MYO1H: variants seen among roughly 807,000 people sequenced by gnomAD.
The protein encoded by MYO1H is myosin IH, also known as unconventional myosin-Ih.
MYO1H carries 118 observed loss-of-function variants against 149.3 expected under a neutral mutation model. The observed-to-expected ratio is 0.79, with a 90% CI of 0.68 to 0.92. MYO1H has a LOEUF of 0.92. MYO1H is among the 40% of genes least tolerant of loss of function. The pLI, the probability that MYO1H is intolerant of heterozygous loss-of-function variation, is 0.00. For missense variants in MYO1H, 1,212 were observed against 1,280.7 expected (o/e 0.95, Z 0.82); for synonymous variants, 447 against 465.2 (o/e 0.96, Z 0.50).
At chr12:109,324,377 G>A in the MYO1H span, among the ~76,000 whole-genome samples, 2 of 152,202 alleles carry the variant, frequency 1.3e-5, no homozygotes, top group East Asian at 3.9e-4. Flanking sequence ...TCAAGGGAGA[G>A]AGTTACACTC....
At chr12:109,311,926 C>G in the MYO1H span, among the ~76,000 whole-genome samples, 1 of 152,202 alleles carries the variant, frequency 6.6e-6, no homozygotes, top group Non-Finnish European at 1.5e-5. Flanking sequence ...GTGGAAAATG[C>G]TCTAATCTGC....
chr12:109,351,564 C>T (rs1025339171), intron 1 of MYO1H, among the ~76,000 whole-genome samples: 1 of 152,182 alleles, frequency 6.6e-6, no homozygotes. Flanking sequence ...CGTTATATTT[C>T]TAAAGAGATT....
At chr12:109,318,983 T>TTTTTTTG in the MYO1H span, among the ~76,000 whole-genome samples, 2 of 144,820 alleles carry the variant, frequency 1.4e-5, no homozygotes, top group African/African-American at 2.6e-5. Flanking sequence ...TTTTTTTTTT[T>TTTTTTTG]TTTTTTTTTT....
the MYO1H span, among the ~76,000 whole-genome samples, chr12:109,326,803 G>A: frequency 6.6e-6 from 1 of 152,028 alleles, no homozygotes; most frequent in Non-Finnish European, 1.5e-5. Flanking sequence ...ACAGGCATGT[G>A]CCACCATACC....
intron 22 of MYO1H, among the ~76,000 whole-genome samples, chr12:109,437,490 A>G (rs777434173): frequency 3.9e-5 from 6 of 152,170 alleles, no homozygotes; most frequent in Non-Finnish European, 8.8e-5. Flanking sequence ...GGTCAGCATT[A>G]TAGGAAGTAT....
chr12:109,415,906 CATTTT>C (rs78343064), intron 15 of MYO1H, among the ~76,000 whole-genome samples: 11,200 of 144,476 alleles, frequency 0.078, 486 homozygotes, highest in Middle Eastern at 0.1. Context: ...TACCACCATT[CATTTT>C]ATTTTATTTT....
the MYO1H span, among the ~76,000 whole-genome samples, chr12:109,331,702 T>C: frequency 1.3e-5 from 2 of 152,272 alleles, no homozygotes; most frequent in East Asian, 1.9e-4. Context: ...TGTGAGAAGA[T>C]GGATGGGGCA....
intron 1 of MYO1H, among the ~76,000 whole-genome samples, chr12:109,368,640 TA>T (rs56146617): frequency 0.14 from 15,735 of 113,096 alleles, 1,054 homozygotes; most frequent in South Asian, 0.22. Flanking sequence ...GACTCCATCT[TA>T]AAAAAAAAAA....
intron 1 of MYO1H, among the ~76,000 whole-genome samples, chr12:109,367,697 G>A (rs911688714): frequency 2.0e-4 from 31 of 151,882 alleles, no homozygotes; most frequent in African/African-American, 7.3e-4. Flanking sequence ...GACTACAGGC[G>A]CCCGCCACCA....
chr12:109,396,853 GTC>G lies in MYO1H; in HGVS notation c.489+278_489+279del, dbSNP rs1480939916. ...TTTTTTTTTTTTTTTTTGAGACGGA[GTC>G]TCTCTCCGTCACCCAGGCCTGGAGT... On this transcript the variant is annotated intron_variant, in intron 4 of 31. Transcript: ENST00000310903. Among the ~76,000 whole-genome samples the G allele has an allele frequency of 2.8e-5, 3 of 108,334 alleles. No individual in the cohort carries two copies. In the South Asian group the frequency reaches 9.5e-4, roughly 34 times the overall value. The allele number at this position is 108,334 out of a possible 152,430, so 71.1% of individuals were successfully genotyped here.
the MYO1H span, among the ~76,000 whole-genome samples, chr12:109,328,113 T>C: frequency 6.3e-4 from 94 of 149,938 alleles, 1 homozygote; most frequent in South Asian, 0.02. Context: ...GAATAATCAT[T>C]GGGGATCATA....
intron 1 of MYO1H, among the ~76,000 whole-genome samples, chr12:109,371,213 C>CT (rs34350111): frequency 0.047 from 5,596 of 118,308 alleles, 181 homozygotes; most frequent in Middle Eastern, 0.069. Context: ...TTTTTTCTTT[C>CT]TTTTTTTTTT....
At chr12:109,325,167 G>T in the MYO1H span, among the ~76,000 whole-genome samples, 2 of 152,196 alleles carry the variant, frequency 1.3e-5, no homozygotes, top group African/African-American at 4.8e-5. Flanking sequence ...TGTAAACAGT[G>T]CTGCAATAAA....
At chr12:109,359,797 G>C (rs1051312123) in intron 1 of MYO1H, among the ~76,000 whole-genome samples, 1 of 152,186 alleles carries the variant, frequency 6.6e-6, no homozygotes, top group Non-Finnish European at 1.5e-5. Context: ...ATCTGCAAGC[G>C]TTTCCATCCC....
intron 5 of MYO1H, among the ~76,000 whole-genome samples, chr12:109,398,787 G>A (rs1264048372): frequency 7.1e-6 from 1 of 140,962 alleles, no homozygotes; most frequent in East Asian, 2.3e-4. Flanking sequence ...ACAATATATT[G>A]TTTAGGCATG....
At chr12:109,389,116 A>G (rs1025489569) in intron 2 of MYO1H, among the ~76,000 whole-genome samples, 2 of 152,130 alleles carry the variant, frequency 1.3e-5, no homozygotes, top group Non-Finnish European at 2.9e-5. Flanking sequence ...GTTTCAGACA[A>G]TGTCTGGCAA....
intron 3 of MYO1H, 89 bp downstream of exon 3, chr12:109,393,535 CCATT>C (rs1330010059): frequency 2.7e-5 from 21 of 766,968 alleles, no homozygotes; most frequent in East Asian, 2.2e-4. Flanking sequence ...ATCTGTCCAT[CCATT>C]CATCCATCCA....
At chr12:109,401,741 T>C (rs1870168787) in intron 6 of MYO1H, among the ~76,000 whole-genome samples, 1 of 151,976 alleles carries the variant, frequency 6.6e-6, no homozygotes, top group South Asian at 2.1e-4. Context: ...AAACTACCTT[T>C]TTTTTTTTCT....
the MYO1H span, among the ~76,000 whole-genome samples, chr12:109,311,649 A>C: frequency 6.6e-6 from 1 of 151,958 alleles, no homozygotes; most frequent in Non-Finnish European, 1.5e-5. Context: ...GCCAATACCC[A>C]CCTTTTTTGT....
Sources: gnomAD v4.1 joint callset for allele counts (sites outside exome capture counted in the v4.1 genomes callset) on GRCh38, gnomAD v4.1.1 for gene constraint, MANE v1.5 for transcripts, NCBI Gene and HGNC (gene_info 2026-07-23, HGNC 2026-07-21) for gene names.